Variants in FRMD5 observed in about 807,000 individuals in gnomAD.
FRMD5 encodes FERM domain containing 5, also known as FERM domain-containing protein 5.
A neutral mutation model predicts 69.0 loss-of-function variants in FRMD5; 20 were observed. The observed-to-expected ratio is 0.29, with a 90% confidence interval of 0.20 to 0.42. The LOEUF (loss-of-function observed/expected upper bound fraction) is 0.42. Among genes scored for constraint, FRMD5 ranks in the 10% least tolerant of loss-of-function variants. The pLI is 1.00. For missense variants in FRMD5, 595 were observed against 708.6 expected (o/e 0.84, Z 1.82); for synonymous variants, 271 against 260.1 (o/e 1.04, Z -0.40).
chr15:43,892,081 A>C lies in FRMD5; in HGVS notation c.640-12T>G. ...TTTCCTGACACGTCCTGCAACACAG[A>C]AAGACTTCTCATCGGGTGATGCAGG... On this transcript the variant is annotated splice_polypyrimidine_tract_variant and intron_variant, in intron 7 of 13. Transcript: ENST00000417257. 1 of 1,612,638 alleles carries C rather than the reference A, an allele frequency of 6.2e-7. No homozygotes were observed. The highest frequency in any genetic ancestry group is 8.5e-7 in the Non-Finnish European group (1 of 1,178,766).
intron 1 of FRMD5, among the ~76,000 whole-genome samples, chr15:44,058,596 C>T (rs1892964740): frequency 6.6e-6 from 1 of 152,076 alleles, no homozygotes; most frequent in Middle Eastern, 3.2e-3. Flanking sequence ...ACCATCCTGG[C>T]TAACACAGTG....
At chr15:44,175,636 C>G (rs145633735) in intron 1 of FRMD5, among the ~76,000 whole-genome samples, 2 of 151,960 alleles carry the variant, frequency 1.3e-5, no homozygotes, top group Admixed American at 6.6e-5. Context: ...AAATGAAAAC[C>G]TATATTTATA....
At chr15:44,162,417 C>A (rs957495789) in intron 1 of FRMD5, among the ~76,000 whole-genome samples, 1 of 151,984 alleles carries the variant, frequency 6.6e-6, no homozygotes, top group African/African-American at 2.4e-5. Flanking sequence ...AACTCTTTGT[C>A]TTTATATTAA....
intron 7 of FRMD5, among the ~76,000 whole-genome samples, chr15:43,897,892 G>A (rs2088952750): frequency 6.6e-6 from 1 of 152,034 alleles, no homozygotes; most frequent in African/African-American, 2.4e-5. Context: ...AAGATCTGAT[G>A]GTTTAAAAGT....
chr15:44,128,137 A>T (rs1044609488), intron 1 of FRMD5, among the ~76,000 whole-genome samples: 2 of 152,226 alleles, frequency 1.3e-5, no homozygotes, highest in African/African-American at 4.8e-5. Flanking sequence ...AAAAATGCCC[A>T]AAAGAGCAAC....
At chr15:44,116,392 TG>T in intron 1 of FRMD5, among the ~76,000 whole-genome samples, 1 of 152,130 alleles carries the variant, frequency 6.6e-6, no homozygotes, top group Non-Finnish European at 1.5e-5. Flanking sequence ...CTGGGGCAGC[TG>T]GGACTAAGGA....
intron 4 of FRMD5, among the ~76,000 whole-genome samples, chr15:43,910,797 TA>T (rs1357686577): frequency 6.6e-6 from 1 of 152,206 alleles, no homozygotes; most frequent in Non-Finnish European, 1.5e-5. Context: ...ATAACTTATT[TA>T]ATTCTCACAT....
chr15:44,066,551 G>A lies in FRMD5; in HGVS notation c.102+128402C>T, dbSNP rs375271266. ...ATTACGCAGGAAACTAGTGGCAAGG[G>A]GGTGTTCACGGAAAAATGAGTTGTT... On this transcript the variant is annotated intron_variant, in intron 1 of 13. Transcript: ENST00000417257. Among the ~76,000 whole-genome samples the A allele has an allele frequency of 5.9e-5, 9 of 152,298 alleles. No individual in the cohort carries two copies. In the East Asian group the frequency reaches 1.7e-3, roughly 29 times the overall value.
In FRMD5 at chr15:44,088,197, T is replaced by C. The variant is rs148598560; in HGVS notation, c.102+106756A>G. ...CACTCATTTAACATATAAAATTCAA[T>C]GGTTTTTAGTGTATTCACAGTTATG... is the stretch of plus-strand genomic sequence containing the variant. On this transcript the variant is annotated intron_variant, in intron 1 of 13. Transcript: ENST00000417257. Among the ~76,000 whole-genome samples, 6 of 152,236 alleles carry C rather than the reference T, an allele frequency of 3.9e-5. No individual in the cohort carries two copies. The East Asian group carries it at 9.7e-4, about 24-fold the overall frequency.
chr15:44,109,809 T>G (rs2076772098), intron 1 of FRMD5, among the ~76,000 whole-genome samples: 1 of 152,202 alleles, frequency 6.6e-6, no homozygotes, highest in South Asian at 2.1e-4. Flanking sequence ...TCTACCTAAG[T>G]TCCCTCCTTC....
upstream of FRMD5, among the ~76,000 whole-genome samples, chr15:44,198,632 A>G (rs368535123): frequency 6.6e-6 from 1 of 152,186 alleles, no homozygotes; most frequent in South Asian, 2.1e-4. Flanking sequence ...AGAAGAATCA[A>G]TTGAGCCAGG....
At chr15:44,072,948 A>AT (rs1055767530) in intron 1 of FRMD5, among the ~76,000 whole-genome samples, 1 of 152,182 alleles carries the variant, frequency 6.6e-6, no homozygotes, top group African/African-American at 2.4e-5. Flanking sequence ...TGGGCAACAT[A>AT]GTAAGACCCC....
chr15:44,125,018 G>A (rs997628722), intron 1 of FRMD5, among the ~76,000 whole-genome samples: 1 of 152,052 alleles, frequency 6.6e-6, no homozygotes, highest in African/African-American at 2.4e-5. Context: ...TGTAAATAAA[G>A]TTTTGTTTTT....
At chr15:43,989,238 G>C in intron 1 of FRMD5, 1 of 797,884 alleles carries the variant, frequency 1.3e-6, no homozygotes, top group Admixed American at 1.7e-5. Context: ...CCAGGGTGGT[G>C]ATCTTCTGCA....
chr15:44,051,528 C>T (rs1379317758), intron 1 of FRMD5, among the ~76,000 whole-genome samples: 1 of 151,866 alleles, frequency 6.6e-6, no homozygotes, highest in Non-Finnish European at 1.5e-5. Context: ...TACATTAGTA[C>T]AGCACATTTG....
intron 1 of FRMD5, among the ~76,000 whole-genome samples, chr15:44,008,999 C>G (rs1168249836): frequency 6.6e-6 from 1 of 152,158 alleles, no homozygotes; most frequent in East Asian, 1.9e-4. Context: ...GCACTCCAGC[C>G]TGGGTGACAG....
intron 1 of FRMD5, among the ~76,000 whole-genome samples, chr15:44,004,426 C>T (rs976220248): frequency 1.3e-5 from 2 of 152,156 alleles, no homozygotes; most frequent in African/African-American, 2.4e-5. Flanking sequence ...TCTACTAGCA[C>T]CATTTTTCCA....
At position 44,027,895 on chromosome 15, in the gene FRMD5, C is replaced by T. The variant is rs368054799; in HGVS notation, c.103-103586G>A. ...TCCTGACCTCATGATCTGCCCTCCTCGGCCTCCCAAAGTGCTGGGATTACA... is the reference window on the plus strand; with the variant it reads ...TCCTGACCTCATGATCTGCCCTCCTTGGCCTCCCAAAGTGCTGGGATTACA... On this transcript the variant is annotated intron_variant, in intron 1 of 13. Coordinates refer to ENST00000417257, the MANE Select transcript of FRMD5 (RefSeq NM_032892.5). Among the ~76,000 whole-genome samples, 36 of 152,122 alleles carry T rather than the reference C, an allele frequency of 2.4e-4. No individual in the cohort carries two copies. The East Asian group carries it at 5.8e-3, about 25-fold the overall frequency.
chr15:43,926,240 C>A (rs11070413), intron 1 of FRMD5, among the ~76,000 whole-genome samples: 15,620 of 152,198 alleles, frequency 0.1, 1,187 homozygotes, highest in African/African-American at 0.2. Context: ...CTTGCAGGAA[C>A]CTGTCAAAAC....
Sources: allele counts gnomAD v4.1 joint callset (sites outside exome capture counted in the v4.1 genomes callset), GRCh38; gene constraint gnomAD v4.1.1; transcripts MANE v1.5; gene names NCBI Gene and HGNC (gene_info 2026-07-23, HGNC 2026-07-21).